Variants in UQCC2 observed in about 807,000 individuals in gnomAD.
UQCC2 encodes the protein breast cancer-associated protein SGA-81M.
UQCC2 carries 21 observed loss-of-function variants against 19.9 expected under a neutral mutation model. That is an observed-to-expected ratio of 1.05 (90% CI 0.75 to 1.52). UQCC2 has a LOEUF of 1.52. Ranked by LOEUF, UQCC2 falls within the 40% of genes most tolerant of loss-of-function variation. UQCC2 has a pLI of 0.00. For missense variants in UQCC2, 135 were observed against 157.5 expected, an observed-to-expected ratio of 0.86 and a Z score of 0.76; for synonymous variants, 57 against 60.9, an observed-to-expected ratio of 0.94 and a Z score of 0.30.
chr6:33,702,067 C>T (rs548108570), intron 1 of UQCC2, among the ~76,000 whole-genome samples: 48 of 152,038 alleles, frequency 3.2e-4, no homozygotes, highest in Non-Finnish European at 5.7e-4. Flanking sequence ...AGTGCAGTGG[C>T]GCAATCTTGG....
intron 1 of UQCC2, among the ~76,000 whole-genome samples, chr6:33,709,715 G>A (rs892056287): frequency 8.6e-5 from 13 of 151,930 alleles, no homozygotes; most frequent in Admixed American, 2.6e-4. Flanking sequence ...GCCACTGGGC[G>A]TGCTCCTGCT....
intron 1 of UQCC2, among the ~76,000 whole-genome samples, chr6:33,707,781 C>G (rs1269520775): frequency 6.6e-6 from 1 of 152,224 alleles, no homozygotes; most frequent in Non-Finnish European, 1.5e-5. Flanking sequence ...CCTTCCCCCA[C>G]GTTGCAATTC....
rs1765769715 is a variant in UQCC2, at chr6:33,711,436, C to G, written c.138+113G>C. 1.8e-5 allele frequency: 26 copies of G among 1,425,500 alleles called. No individual in the cohort carries two copies. The South Asian group carries it at 3.7e-4, about 21-fold the overall frequency. The allele number at this position is 1,425,500 out of a possible 1,614,324, so 88.3% of individuals were successfully genotyped here. On this transcript the variant is annotated intron_variant, in intron 1 of 3. Coordinates refer to ENST00000607484, the MANE Select transcript of UQCC2 (RefSeq NM_032340.4). ...GAAAAAGGGGGTCCGCGCTCACGTG[C>G]TGCCTGGAAAGAGGGCGCGCGCATG...
rs1439228705 is a variant in UQCC2, at chr6:33,711,679, G to A, written c.8C>T (p.Ala3Val). 1.9e-6 allele frequency: 3 copies of A among 1,609,584 alleles called. No homozygotes were observed. The highest frequency in any genetic ancestry group is 2.7e-5 in the African/African-American group (2 of 74,688). Residue 3 changes from alanine (A) to valine (V), a missense_variant, in exon 1 of 4, where the codon GCC (alanine) becomes GTC (valine). By Grantham distance (64) the Ala-to-Val change is moderately conservative (BLOSUM62 0). Coordinates refer to ENST00000607484, the MANE Select transcript of UQCC2 (RefSeq NM_032340.4). ...CTTAAGAAAACGCCGGTACCGGCTG[G>A]CCGCCATCTTGGGCCCCGCGTGTTC... Reference protein sequence around the residue: MAASRYRRFLKLC... With the variant: MAVSRYRRFLKLC...
intron 1 of UQCC2, among the ~76,000 whole-genome samples, chr6:33,711,200 T>C (rs1417120048): frequency 1.3e-5 from 2 of 152,140 alleles, no homozygotes; most frequent in South Asian, 2.1e-4. Flanking sequence ...TTTTGATTTG[T>C]AGAGACGGAG....
At chr6:33,706,732 G>A (rs1765703202) in intron 1 of UQCC2, among the ~76,000 whole-genome samples, 1 of 152,218 alleles carries the variant, frequency 6.6e-6, no homozygotes, top group Admixed American at 6.5e-5. Context: ...CTTTTAAGGG[G>A]AACCCAGGGA....
intron 3 of UQCC2, among the ~76,000 whole-genome samples, chr6:33,699,643 A>G (rs538430598): frequency 6.6e-6 from 1 of 152,356 alleles, no homozygotes; most frequent in East Asian, 1.9e-4. Flanking sequence ...GTTGACATGT[A>G]ATAGCAGGTG....
chr6:33,701,351 G>A lies in UQCC2; in HGVS notation c.208C>T (p.His70Tyr), dbSNP rs767440601. The A allele has an allele frequency of 6.2e-7, 1 of 1,612,850 alleles. No homozygotes were observed. The highest frequency in any genetic ancestry group is 8.5e-7 in the Non-Finnish European group (1 of 1,179,496). Residue 70 changes from histidine (H) to tyrosine (Y), a missense_variant, in exon 2 of 4, where the codon CAC (histidine) becomes TAC (tyrosine). His to Tyr is a moderately conservative substitution (Grantham distance 83, BLOSUM62 2). Transcript: ENST00000607484. Reference protein sequence around the residue: ...LARLHSNYYKHKYPRPRDTSF... With the variant: ...LARLHSNYYKYKYPRPRDTSF... Reference sequence around the variant, plus strand: ...AAAGACTGTGGCCCACTCACCTTGTGTTTGTAGTAGTTTGAATGGAGTCGC... The same window carrying A: ...AAAGACTGTGGCCCACTCACCTTGTATTTGTAGTAGTTTGAATGGAGTCGC...
chr6:33,697,743 C>T lies in UQCC2; in HGVS notation c.291G>A (p.Leu97=), dbSNP rs201389126. 135 of 1,613,504 alleles carry T rather than the reference C, an allele frequency of 8.4e-5. No homozygotes were observed. The highest frequency in any genetic ancestry group is 8.4e-5 in the Admixed American group (5 of 59,864). The part of the protein sequence containing the change: ...EYKLILSTDT[L]EELKEIDKGM... Reference sequence around the variant, plus strand: ...CTTTATCTATTTCCTTAAGCTCTTCCAAGGTGTCTGCAAAAGGGGAAGACA... The same window carrying T: ...CTTTATCTATTTCCTTAAGCTCTTCTAAGGTGTCTGCAAAAGGGGAAGACA... Residue 97 remains leucine, a synonymous_variant, in exon 4 of 4, where the codon TTG becomes TTA. Coordinates refer to ENST00000607484, the MANE Select transcript of UQCC2 (RefSeq NM_032340.4).
chr6:33,708,666 T>C (rs1161584320), intron 1 of UQCC2, among the ~76,000 whole-genome samples: 1 of 152,184 alleles, frequency 6.6e-6, no homozygotes, highest in Non-Finnish European at 1.5e-5. Context: ...TCCATACTAG[T>C]CAGTCAACTG....
At chr6:33,704,773 C>A (rs1285558470) in intron 1 of UQCC2, among the ~76,000 whole-genome samples, 5 of 152,174 alleles carry the variant, frequency 3.3e-5, no homozygotes, top group East Asian at 3.9e-4. Context: ...TACCTTTCAA[C>A]TCAAGTTCCC....
intron 2 of UQCC2, among the ~76,000 whole-genome samples, chr6:33,701,073 C>T (rs1174782669): frequency 2.0e-5 from 3 of 152,326 alleles, no homozygotes; most frequent in Admixed American, 6.5e-5. Flanking sequence ...GGCTGTCAGA[C>T]ATTCCCAGGA....
intron 3 of UQCC2, 132 bp downstream of exon 3, chr6:33,700,312 T>C: frequency 1.0e-6 from 1 of 956,698 alleles, no homozygotes; most frequent in Non-Finnish European, 1.6e-6. Flanking sequence ...CCCTGTAGCT[T>C]CAGAATTTCC....
chr6:33,711,682 G>C lies in UQCC2; in HGVS notation c.5C>G (p.Ala2Gly). ...AAGAAAACGCCGGTACCGGCTGGCC[G>C]CCATCTTGGGCCCCGCGTGTTCCCG... MAASRYRRFLKL... is the reference protein window; with the variant it reads MGASRYRRFLKL... Residue 2 changes from alanine (A) to glycine (G), a missense_variant, in exon 1 of 4, where the codon GCG (alanine) becomes GGG (glycine). By Grantham distance (60) the Ala-to-Gly change is moderately conservative (BLOSUM62 0). Transcript: ENST00000607484. The C allele has an allele frequency of 6.2e-7, 1 of 1,607,292 alleles. No homozygotes were observed. Among genetic ancestry groups the C allele is most frequent in the Non-Finnish European group, 8.5e-7 (1 of 1,177,686 alleles).
Position 33,701,356 on chromosome 6 carries a change from TA to T in UQCC2, c.202del (p.Tyr68ThrfsTer23). 1 of 1,613,274 alleles carries T rather than the reference TA, an allele frequency of 6.2e-7. No homozygotes were observed. The highest frequency in any genetic ancestry group is 8.5e-7 in the Non-Finnish European group (1 of 1,179,646). On this transcript the variant is annotated frameshift_variant, in exon 2 of 4. Transcript: ENST00000607484. LOFTEE classifies it high-confidence loss of function. ...ESLARLHSNY[Y>X]KHKYPRPRDT... ...CTGTGGCCCACTCACCTTGTGTTTG[TA>T]GTAGTTTGAATGGAGTCGCGCTAAG...
At chr6:33,700,620 G>C (rs1456242857) in intron 2 of UQCC2, 107 bp from the exon 3 acceptor site, 27 of 1,181,116 alleles carry the variant, frequency 2.3e-5, no homozygotes, top group Non-Finnish European at 3.2e-5. Flanking sequence ...AGGCCAGGAG[G>C]CCTAGCAAGG....
In UQCC2 at chr6:33,696,827, C is replaced by G. The variant is rs1048234876; in HGVS notation, c.*826G>C. 2.0e-5 allele frequency: 3 copies of G among 152,282 alleles called. No individual in the cohort carries two copies. The highest frequency in any genetic ancestry group is 7.2e-5 in the African/African-American group (3 of 41,462). The allele number at this position is 152,282 out of a possible 1,614,324, so 9.4% of individuals were successfully genotyped here. The stretch of plus-strand genomic sequence containing the variant: ...CAGAACATCCTGAGGAGTCTAGACA[C>G]AGACGAGGTTAAGAACCCACTTCCA... On this transcript the variant is annotated 3_prime_UTR_variant, in exon 4 of 4. Transcript: ENST00000607484.
At chr6:33,709,442 G>C (rs1765739264) in intron 1 of UQCC2, among the ~76,000 whole-genome samples, 1 of 148,036 alleles carries the variant, frequency 6.8e-6, no homozygotes, top group South Asian at 2.4e-4. Context: ...GAACTAGCTA[G>C]ACACTCGTAG....
intron 3 of UQCC2, among the ~76,000 whole-genome samples, chr6:33,700,079 G>T (rs1406792599): frequency 6.6e-6 from 1 of 152,072 alleles, no homozygotes; most frequent in Admixed American, 6.5e-5. Flanking sequence ...TTATTGAATG[G>T]TTTTTTGTTT....
Sources: gnomAD v4.1 joint callset for allele counts (sites outside exome capture counted in the v4.1 genomes callset) on GRCh38, gnomAD v4.1.1 for gene constraint, MANE v1.5 for transcripts, NCBI Gene and HGNC (gene_info 2026-07-23, HGNC 2026-07-21) for gene names.